Variants in MYH14 observed in about 807,000 individuals in gnomAD.
MYH14 encodes myosin-14.
In MYH14, 123 loss-of-function variants were observed where a neutral mutation model predicts 255.5. The observed-to-expected ratio is 0.48, with a 90% CI of 0.42 to 0.56. The LOEUF is 0.56. MYH14 is among the 20% of genes least tolerant of loss of function. MYH14 has a pLI of 0.00. For synonymous variants in MYH14, 1,095 were observed against 1,161.2 expected, an observed-to-expected ratio of 0.94 and a Z score of 1.16; for missense variants, 2,423 against 2,802.3, an observed-to-expected ratio of 0.86 and a Z score of 3.06.
At chr19:50,233,825 G>A (rs970560684) in intron 10 of MYH14, among the ~76,000 whole-genome samples, 40 of 39,928 alleles carry the variant, frequency 1.0e-3, no homozygotes, top group South Asian at 4.7e-3. Context: ...CGACCCCCCC[G>A]CCCCAACCTT....
intron 17 of MYH14, among the ~76,000 whole-genome samples, chr19:50,256,113 A>G (rs1183267160): frequency 6.6e-6 from 1 of 151,958 alleles, no homozygotes; most frequent in Non-Finnish European, 1.5e-5. Flanking sequence ...CCCCGTCTCT[A>G]CAAAATAAAT....
intron 11 of MYH14, among the ~76,000 whole-genome samples, chr19:50,245,460 A>T (rs1828497655): frequency 6.7e-6 from 1 of 149,490 alleles, no homozygotes. Context: ...AAAGAAGAAG[A>T]AAGAAAGAAA....
In MYH14 at chr19:50,271,652, G is replaced by A. The variant is rs1271623723; in HGVS notation, c.3171+106G>A. ...GGTTACCACACTGCGGTTCTCAGGT[G>A]TGCACCGGTGGGGGTGGGATGGGTC... On this transcript the variant is annotated intron_variant, in intron 25 of 42. Coordinates refer to ENST00000642316, the MANE Select transcript of MYH14 (RefSeq NM_001145809.2). 4.0e-6 allele frequency: 6 copies of A among 1,496,562 alleles called. No homozygotes were observed. In the South Asian group the frequency reaches 5.0e-5, roughly 12 times the overall value. 92.7% of individuals were successfully genotyped at this position (1,496,562 alleles called of 1,614,324 possible). A position where few individuals can be genotyped will look rare whatever the true frequency, so the allele number is the denominator to read the frequency against.
chr19:50,294,434 AT>A (rs35542007), intron 39 of MYH14, among the ~76,000 whole-genome samples: 15,162 of 134,290 alleles, frequency 0.11, 833 homozygotes, highest in Middle Eastern at 0.23. Flanking sequence ...TTTTTTTCTA[AT>A]TTTTTTTTTT....
At chr19:50,301,891 A>G (rs1364946020) in intron 40 of MYH14, 22 bp downstream of exon 40, 4 of 1,573,220 alleles carry the variant, frequency 2.5e-6, no homozygotes, top group Non-Finnish European at 3.5e-6. Flanking sequence ...CGGAGGCCAC[A>G]GGAGAAAGGT....
intron 29 of MYH14, among the ~76,000 whole-genome samples, chr19:50,277,103 A>G (rs1426616950): frequency 2.6e-5 from 4 of 152,252 alleles, no homozygotes; most frequent in African/African-American, 9.6e-5. Flanking sequence ...GGAACCAGCC[A>G]TGAACCCAAC....
intron 16 of MYH14, among the ~76,000 whole-genome samples, chr19:50,253,459 T>A (rs202019250): frequency 0.049 from 7,359 of 149,518 alleles, 227 homozygotes; most frequent in Middle Eastern, 0.11. Context: ...AAAAAAAAAA[T>A]TCTACTGAGA....
At position 50,207,275 on chromosome 19, in the gene MYH14, G is replaced by GAGAGAGAA. The variant is rs2031842155; in HGVS notation, c.-3-3081_-3-3080insAAGAGAGA. ...AGAGAGAAAGAGAGAGAGAGACAGA[G>GAGAGAGAA]AGAGAGAGAGAGAGAGAGAGAGAGA... On this transcript the variant is annotated intron_variant, in intron 1 of 42. Transcript: ENST00000642316. Among the ~76,000 whole-genome samples the GAGAGAGAA allele has an allele frequency of 1.3e-3, 165 of 128,208 alleles. 1 individual carries two copies. Among genetic ancestry groups the GAGAGAGAA allele is most frequent in the African/African-American group, 5.3e-3 (163 of 30,836 alleles). The allele number at this position is 128,208 out of a possible 152,430, so 84.1% of individuals were successfully genotyped here. A position where few individuals can be genotyped will look rare whatever the true frequency, so the allele number is the denominator to read the frequency against.
chr19:50,268,033 T>C (rs1600985143), intron 23 of MYH14, 128 bp from the exon 24 acceptor site: 1 of 1,190,276 alleles, frequency 8.4e-7, no homozygotes, highest in South Asian at 1.6e-5. Context: ...GGACACCGTG[T>C]CCTCCTGCCC....
At chr19:50,208,874 T>C (rs2031989196) in intron 1 of MYH14, among the ~76,000 whole-genome samples, 1 of 152,060 alleles carries the variant, frequency 6.6e-6, no homozygotes, top group South Asian at 2.1e-4. Context: ...AATTTTAAGA[T>C]GGGGCTCGGT....
chr19:50,297,984 C>G lies in MYH14; in HGVS notation c.5470-3677C>G, dbSNP rs185019846. On this transcript the variant is annotated intron_variant, in intron 39 of 42. Coordinates refer to ENST00000642316, the MANE Select transcript of MYH14 (RefSeq NM_001145809.2). ...TCACCCCATGGGTGCATGGGGAGGG[C>G]ATGGGGGAGGGGCATGGAGCTTCCG... 4.1e-3 allele frequency among the ~76,000 whole-genome samples: 625 copies of G among 152,120 alleles called. 4 individuals carry two copies. Among genetic ancestry groups the G allele is most frequent in the African/African-American group, 0.015 (602 of 41,502 alleles).
chr19:50,299,241 A>C (rs1431499899), intron 39 of MYH14, among the ~76,000 whole-genome samples: 1 of 152,210 alleles, frequency 6.6e-6, no homozygotes. Flanking sequence ...GAGGAACTCT[A>C]CAAGGCTAAC....
rs563486969 is a variant in MYH14, at chr19:50,257,335, T to C, written c.2081T>C (p.Leu694Pro). 1 of 1,609,362 alleles carries C rather than the reference T, an allele frequency of 6.2e-7. No homozygotes were observed. Residue 694 changes from leucine (L) to proline (P), a missense_variant, in exon 18 of 43, where the codon CTG becomes CCG. Physicochemically the swap from Leu to Pro is moderately conservative, Grantham distance 98. Coordinates refer to ENST00000642316, the MANE Select transcript of MYH14 (RefSeq NM_001145809.2). ...GIVGLEQVSS[L>P]GDGPPGGRPR... ...GTGGGGCTGGAACAGGTGAGCAGCC[T>C]GGGCGACGGCCCACCAGGTGGCCGC...
In MYH14 at chr19:50,260,743, G is replaced by T. The variant is rs193123463; in HGVS notation, c.2424+28G>T. On this transcript the variant is annotated intron_variant, in intron 20 of 42. Transcript: ENST00000642316. ...GAGTGGGGCAGAGCCTGGAATGCGT[G>T]TGTGCGTGTGTGTGTGTGCGTGCAT... 4.7e-4 allele frequency: 684 copies of T among 1,468,452 alleles called. 4 individuals carry two copies. In the East Asian group the frequency reaches 7.2e-3, roughly 15 times the overall value. The allele number at this position is 1,468,452 out of a possible 1,614,324, so 91.0% of individuals were successfully genotyped here.
intron 8 of MYH14, 83 bp downstream of exon 8, chr19:50,227,049 G>A (rs2033143285): frequency 2.2e-6 from 3 of 1,368,326 alleles, no homozygotes; most frequent in African/African-American, 2.9e-5. Flanking sequence ...ACCTCCCACT[G>A]CAGGGACCCC....
chr19:50,299,747 C>T (rs887276047), intron 39 of MYH14, among the ~76,000 whole-genome samples: 1 of 151,866 alleles, frequency 6.6e-6, no homozygotes, highest in African/African-American at 2.4e-5. Context: ...GAGTTTGAGA[C>T]CAGCCTGGCC....
Position 50,288,870 on chromosome 19 carries a change from G to T in MYH14, c.4753-566G>T, listed in dbSNP as rs545108312. Reference sequence around the variant, plus strand: ...ACAGTTAAGTAAGGAGAGGGGTGAAGGGGGAGTCTCTGAAAATTCATAAGC... The same window carrying T: ...ACAGTTAAGTAAGGAGAGGGGTGAATGGGGAGTCTCTGAAAATTCATAAGC... On this transcript the variant is annotated intron_variant, in intron 34 of 42. Transcript: ENST00000642316. Among the ~76,000 whole-genome samples the T allele has an allele frequency of 1.3e-4, 20 of 152,202 alleles. 1 individual carries two copies. The South Asian group carries it at 1.9e-3, about 14-fold the overall frequency.
At chr19:50,205,094 T>C (rs904958316) in intron 1 of MYH14, among the ~76,000 whole-genome samples, 12 of 152,204 alleles carry the variant, frequency 7.9e-5, no homozygotes, top group Non-Finnish European at 1.6e-4. Flanking sequence ...CTTCCCGCAG[T>C]TGGGAAACTG....
At chr19:50,219,064 A>G (rs1306021872) in intron 3 of MYH14, among the ~76,000 whole-genome samples, 1 of 142,310 alleles carries the variant, frequency 7.0e-6, no homozygotes, top group African/African-American at 2.5e-5. Context: ...CTATATATAT[A>G]TATATGAGTA....
Sources: gnomAD v4.1 joint callset for allele counts (sites outside exome capture counted in the v4.1 genomes callset) on GRCh38, gnomAD v4.1.1 for gene constraint, MANE v1.5 for transcripts, NCBI Gene and HGNC (gene_info 2026-07-23, HGNC 2026-07-21) for gene names.